Variants in PSG3 observed in about 807,000 individuals in gnomAD.
The protein encoded by PSG3 is pregnancy specific beta-1-glycoprotein 3.
PSG3 carries 61 observed loss-of-function variants against 47.5 expected under a neutral mutation model. The ratio of observed to expected loss-of-function variants is 1.28; its 90% CI spans 1.05 to 1.59. The LOEUF (loss-of-function observed/expected upper bound fraction) is 1.59. Ranked by LOEUF, PSG3 falls within the 40% of genes most tolerant of loss-of-function variation. PSG3 has a pLI of 0.00. For synonymous variants in PSG3, 263 were observed against 198.4 expected, an observed-to-expected ratio of 1.33 and a Z score of -2.74; for missense variants, 756 against 524.0, an observed-to-expected ratio of 1.44 and a Z score of -4.32.
At chr19:42,728,631 G>C (rs1969413454) in intron 5 of PSG3, among the ~76,000 whole-genome samples, 1 of 152,228 alleles carries the variant, frequency 6.6e-6, no homozygotes, top group Admixed American at 6.5e-5. Context: ...AGTCACCAGA[G>C]GAGCCTGGAG....
intron 5 of PSG3, among the ~76,000 whole-genome samples, chr19:42,724,825 C>T (rs1274801039): frequency 6.6e-6 from 1 of 151,974 alleles, no homozygotes; most frequent in Non-Finnish European, 1.5e-5. Context: ...TTCTCTCCCA[C>T]AAGTAGTCAG....
chr19:42,725,157 CTG>C (rs1351153217), intron 5 of PSG3, among the ~76,000 whole-genome samples: 3 of 152,274 alleles, frequency 2.0e-5, no homozygotes, highest in South Asian at 4.1e-4. Context: ...ATTGGTTCCA[CTG>C]TGTGTGGCAT....
Position 42,729,136 on chromosome 19 carries a change from T to C in PSG3, c.1230A>G (p.Thr410=). ...ATGMESSKSM[T]VKVSAPSGTG... The stretch of plus-strand genomic sequence containing the variant: ...GGATCCACTTACCAGAGACTTTGAC[T>C]GTCATGGATTTGGAGCTTTCCATGC... The change falls in exon 5 of 7, where the codon ACA becomes ACG. Residue 410 remains threonine (T), a synonymous_variant. Coordinates refer to ENST00000327495, the MANE Select transcript of PSG3 (RefSeq NM_021016.4). 3 of 1,614,024 alleles carry C rather than the reference T, an allele frequency of 1.9e-6. No homozygotes were observed. The highest frequency in any genetic ancestry group is 2.5e-6 in the Non-Finnish European group (3 of 1,179,860).
intron 2 of PSG3, among the ~76,000 whole-genome samples, chr19:42,736,971 G>A (rs951148549): frequency 6.6e-6 from 1 of 152,108 alleles, no homozygotes; most frequent in African/African-American, 2.4e-5. Context: ...CTAGGGGTGG[G>A]GGAAGAAGCT....
In PSG3 at chr19:42,738,710, G is replaced by A. The variant is rs374031019; in HGVS notation, c.430+14C>T. On this transcript the variant is annotated intron_variant, in intron 2 of 6. Coordinates refer to ENST00000327495, the MANE Select transcript of PSG3 (RefSeq NM_021016.4). ...CCATCCCCCAACACCCAGTGATCAC[G>A]TGGAGTCACTCACGGTATAAGGTGA... is the stretch of plus-strand genomic sequence containing the variant. 57 of 1,613,142 alleles carry A rather than the reference G, an allele frequency of 3.5e-5. No homozygotes were observed. Among genetic ancestry groups the A allele is most frequent in the African/African-American group, 1.3e-4 (10 of 74,894 alleles).
chr19:42,737,174 C>T (rs938037081), intron 2 of PSG3, among the ~76,000 whole-genome samples: 1 of 152,112 alleles, frequency 6.6e-6, no homozygotes, highest in Non-Finnish European at 1.5e-5. Flanking sequence ...GGCCAAAGAG[C>T]TTCAGAGTTA....
At chr19:42,734,874 A>G (rs1040329691) in intron 2 of PSG3, among the ~76,000 whole-genome samples, 1 of 152,238 alleles carries the variant, frequency 6.6e-6, no homozygotes, top group African/African-American at 2.4e-5. Context: ...GGAGGACCCC[A>G]AAACAGGTAT....
chr19:42,733,112 T>G (rs1299500459), intron 2 of PSG3, 50 bp from the exon 3 acceptor site: 1 of 1,577,710 alleles, frequency 6.3e-7, no homozygotes, highest in East Asian at 2.2e-5. Context: ...CTTTGATTCC[T>G]CCAAAGGCAT....
intron 3 of PSG3, among the ~76,000 whole-genome samples, chr19:42,731,149 T>C (rs531385723): frequency 6.6e-6 from 1 of 152,276 alleles, no homozygotes; most frequent in Admixed American, 6.5e-5. Flanking sequence ...GTTTCAGTTA[T>C]TCAAGGTGGG....
At chr19:42,734,481 G>T (rs1467126132) in intron 2 of PSG3, among the ~76,000 whole-genome samples, 1 of 152,146 alleles carries the variant, frequency 6.6e-6, no homozygotes. Context: ...CAGGAGTTTA[G>T]ACCTTATGTT....
At chr19:42,727,738 A>G (rs1047681384) in intron 5 of PSG3, among the ~76,000 whole-genome samples, 19 of 152,212 alleles carry the variant, frequency 1.2e-4, no homozygotes, top group African/African-American at 4.6e-4. Context: ...ATTAAACAAT[A>G]AATTACCATT....
chr19:42,735,247 T>C (rs914524265), intron 2 of PSG3, among the ~76,000 whole-genome samples: 8 of 152,212 alleles, frequency 5.3e-5, no homozygotes, highest in African/African-American at 1.7e-4. Context: ...TCCCCACTCT[T>C]GTTGAACTTT....
Position 42,723,981 on chromosome 19 carries a change from G to A in PSG3, c.*1C>T, listed in dbSNP as rs757440966. ...GAAATACAGAAATGACATCACGGCT[G>A]CTATAATGGATTAAGGCCAGGAAGA... On this transcript the variant is annotated 3_prime_UTR_variant, in exon 6 of 7. Transcript: ENST00000327495. 1 of 1,609,222 alleles carries A rather than the reference G, an allele frequency of 6.2e-7. No homozygotes were observed. Among genetic ancestry groups the A allele is most frequent in the Non-Finnish European group, 8.5e-7 (1 of 1,175,536 alleles).
chr19:42,738,711 T>C lies in PSG3; in HGVS notation c.430+13A>G. ...CATCCCCCAACACCCAGTGATCACGTGGAGTCACTCACGGTATAAGGTGAA... is the reference window on the plus strand; with the variant it reads ...CATCCCCCAACACCCAGTGATCACGCGGAGTCACTCACGGTATAAGGTGAA... On this transcript the variant is annotated intron_variant, in intron 2 of 6. Coordinates refer to ENST00000327495, the MANE Select transcript of PSG3 (RefSeq NM_021016.4). The C allele has an allele frequency of 6.2e-7, 1 of 1,613,368 alleles. No homozygotes were observed. The highest frequency in any genetic ancestry group is 1.1e-5 in the South Asian group (1 of 90,956).
intron 5 of PSG3, among the ~76,000 whole-genome samples, chr19:42,727,305 A>G (rs943337340): frequency 6.6e-6 from 1 of 152,242 alleles, no homozygotes; most frequent in African/African-American, 2.4e-5. Flanking sequence ...AAAGAACACT[A>G]TCAAGAAAGT....
intron 1 of PSG3, 38 bp from the exon 2 acceptor site, chr19:42,739,127 T>A: frequency 6.4e-7 from 1 of 1,567,322 alleles, no homozygotes; most frequent in Non-Finnish European, 8.7e-7. Context: ...TATTGAGACC[T>A]ATGCATTGGG....
rs768141907 is a variant in PSG3, at chr19:42,732,897, T to C, written c.596A>G (p.Lys199Arg). 1.8e-5 allele frequency: 29 copies of C among 1,614,002 alleles called. No homozygotes were observed. The highest frequency in any genetic ancestry group is 2.0e-5 in the Non-Finnish European group (24 of 1,180,008). The change falls in exon 3 of 7, where the codon AAA (lysine) becomes AGA (arginine). Residue 199 changes from lysine (K) to arginine (R), a missense_variant. Physicochemically the swap from Lys to Arg is conservative, Grantham distance 26 (BLOSUM62 2). Coordinates refer to ENST00000327495, the MANE Select transcript of PSG3 (RefSeq NM_021016.4). ...MTHSLQLSKN[K>R]RTLFLFGVTK... ...GACACCAAATAGAAAGAGGGTCCTTTTGTTTTTGGACAACTGCAAGCTGTG... is the reference window on the plus strand; with the variant it reads ...GACACCAAATAGAAAGAGGGTCCTTCTGTTTTTGGACAACTGCAAGCTGTG...
chr19:42,738,984 T>C lies in PSG3; in HGVS notation c.170A>G (p.Asn57Ser), dbSNP rs558777301. 8.1e-6 allele frequency: 13 copies of C among 1,613,874 alleles called. No homozygotes were observed. In the South Asian group the frequency reaches 9.9e-5, roughly 12 times the overall value. ...KGKDVLLLVHNLPQNLAGYIW... is the reference protein window; with the variant it reads ...KGKDVLLLVHSLPQNLAGYIW... ...GTAGCCAGCAAGATTCTGGGGCAAA[T>C]TGTGGACAAGTAGAAGAACGTCCTT... The change falls in exon 2 of 7, where the codon AAT becomes AGT. Residue 57 changes from asparagine to serine, a missense_variant. Transcript: ENST00000327495.
intron 1 of PSG3, chr19:42,739,335 G>C (rs1188361580): frequency 1.5e-6 from 1 of 652,654 alleles, no homozygotes; most frequent in Non-Finnish European, 2.4e-6. Context: ...GCATTTTTCT[G>C]TTTGGAATCC....
Sources: gnomAD v4.1 joint callset for allele counts (sites outside exome capture counted in the v4.1 genomes callset) on GRCh38, gnomAD v4.1.1 for gene constraint, MANE v1.5 for transcripts, NCBI Gene and HGNC (gene_info 2026-07-23, HGNC 2026-07-21) for gene names.